Variants in CBFA2T2 observed in about 807,000 individuals in gnomAD.
The protein encoded by CBFA2T2 is CBFA2/RUNX1 partner transcriptional co-repressor 2, also known as protein CBFA2T2.
Under a neutral mutation model 62.2 loss-of-function variants are expected in CBFA2T2, and 11 were observed. The observed-to-expected ratio is 0.18, with a 90% CI of 0.11 to 0.29. The LOEUF (loss-of-function observed/expected upper bound fraction) is 0.29, where lower values mean the gene tolerates loss of function less well. Among genes scored for constraint, CBFA2T2 ranks in the 10% least tolerant of loss-of-function variants. The pLI is 1.00. For synonymous variants in CBFA2T2, 295 were observed against 287.5 expected, an observed-to-expected ratio of 1.03 and a Z score of -0.27; for missense variants, 592 against 774.1, an observed-to-expected ratio of 0.76 and a Z score of 2.79.
chr20:33,603,772 T>A (rs991638897), intron 1 of CBFA2T2, among the ~76,000 whole-genome samples: 3 of 152,240 alleles, frequency 2.0e-5, no homozygotes, highest in African/African-American at 7.2e-5. Flanking sequence ...ATATGGTTGA[T>A]TCTTTAATGG....
chr20:33,614,978 C>A (rs980753861), intron 3 of CBFA2T2, among the ~76,000 whole-genome samples: 9 of 152,158 alleles, frequency 5.9e-5, no homozygotes, highest in African/African-American at 1.7e-4. Context: ...TTGTACAGAA[C>A]CATTACAAAT....
At chr20:33,631,182 C>T (rs187166743) in intron 8 of CBFA2T2, among the ~76,000 whole-genome samples, 3 of 152,122 alleles carry the variant, frequency 2.0e-5, no homozygotes, top group Non-Finnish European at 1.5e-5. Flanking sequence ...GGCGTGGTGG[C>T]GGACGCCTGT....
chr20:33,527,530 G>A (rs569000572), intron 1 of CBFA2T2, among the ~76,000 whole-genome samples: 3 of 151,948 alleles, frequency 2.0e-5, no homozygotes, highest in East Asian at 1.9e-4. Context: ...GTGCCACTAC[G>A]TCCAACTGAT....
At chr20:33,504,403 CTTTTTT>C (rs533648842) in intron 1 of CBFA2T2, among the ~76,000 whole-genome samples, 2 of 117,552 alleles carry the variant, frequency 1.7e-5, no homozygotes, top group Non-Finnish European at 3.5e-5. Flanking sequence ...TCATATTTAA[CTTTTTT>C]TTTTTTTTTT....
chr20:33,515,696 G>T (rs2146857696), intron 1 of CBFA2T2, among the ~76,000 whole-genome samples: 1 of 150,836 alleles, frequency 6.6e-6, no homozygotes, highest in Admixed American at 6.7e-5. Flanking sequence ...AGCTAATTGG[G>T]AGGCTGAGAC....
chr20:33,637,401 G>A (rs888689131), intron 9 of CBFA2T2, among the ~76,000 whole-genome samples: 19 of 152,096 alleles, frequency 1.2e-4, no homozygotes, highest in African/African-American at 1.7e-4. Flanking sequence ...TCTTTTAAGA[G>A]CATCTAGACA....
chr20:33,498,849 C>G (rs1038100594), intron 1 of CBFA2T2, among the ~76,000 whole-genome samples: 2 of 151,956 alleles, frequency 1.3e-5, no homozygotes, highest in Non-Finnish European at 2.9e-5. Flanking sequence ...TCGAGACCAG[C>G]CTGGCCAACA....
At chr20:33,601,004 A>G (rs2015109593) in intron 1 of CBFA2T2, among the ~76,000 whole-genome samples, 2 of 152,202 alleles carry the variant, frequency 1.3e-5, no homozygotes, top group South Asian at 4.2e-4. Flanking sequence ...ATATTGTGAT[A>G]TTATAAAACA....
chr20:33,542,004 A>G (rs1395053350), intron 1 of CBFA2T2, among the ~76,000 whole-genome samples: 1 of 152,084 alleles, frequency 6.6e-6, no homozygotes, highest in Non-Finnish European at 1.5e-5. Context: ...TCAGCCTCCC[A>G]AAGTGCTGGG....
chr20:33,510,395 G>A (rs2011488289), intron 1 of CBFA2T2, among the ~76,000 whole-genome samples: 1 of 151,154 alleles, frequency 6.6e-6, no homozygotes, highest in African/African-American at 2.4e-5. Flanking sequence ...TGTATTTTTA[G>A]TAGAGACGGG....
Position 33,578,650 on chromosome 20 carries a change from T to G in CBFA2T2, c.35-28306T>G, listed in dbSNP as rs74807635. Among the ~76,000 whole-genome samples, 10 of 152,288 alleles carry G rather than the reference T, an allele frequency of 6.6e-5. No homozygotes were observed. The East Asian group carries it at 9.6e-4, about 15-fold the overall frequency. ...ATTTCCAGATGTCATTCTCTCTGTT[T>G]GGATGACTTGGGAGCTTAAGAAGGG... On this transcript the variant is annotated intron_variant, in intron 1 of 10. Transcript: ENST00000342704.
At chr20:33,597,700 A>G (rs2014950425) in intron 1 of CBFA2T2, among the ~76,000 whole-genome samples, 1 of 152,102 alleles carries the variant, frequency 6.6e-6, no homozygotes, top group Admixed American at 6.5e-5. Context: ...GTGGAGTGCA[A>G]TGGCACGATC....
At chr20:33,535,026 C>T (rs1171121987) in intron 1 of CBFA2T2, among the ~76,000 whole-genome samples, 1 of 152,162 alleles carries the variant, frequency 6.6e-6, no homozygotes, top group Non-Finnish European at 1.5e-5. Context: ...TGCCAGAAAC[C>T]TTCCATTTGT....
At chr20:33,642,115 TTTGTG>T (rs1258151887) in intron 10 of CBFA2T2, among the ~76,000 whole-genome samples, 5 of 36,586 alleles carry the variant, frequency 1.4e-4, no homozygotes, top group African/African-American at 7.2e-4. Context: ...CTTTTTTTTT[TTTGTG>T]TGTGTGTGTG....
chr20:33,527,018 A>G (rs2011907179), intron 1 of CBFA2T2, among the ~76,000 whole-genome samples: 1 of 152,190 alleles, frequency 6.6e-6, no homozygotes, highest in Non-Finnish European at 1.5e-5. Context: ...TATAGGATGA[A>G]TTGGCAGTAA....
At chr20:33,583,102 C>A (rs1438343045) in intron 1 of CBFA2T2, among the ~76,000 whole-genome samples, 3 of 152,030 alleles carry the variant, frequency 2.0e-5, no homozygotes, top group East Asian at 3.8e-4. Context: ...ATATCAAGAC[C>A]TTTTCTGTGT....
chr20:33,515,350 C>A (rs1258135953), intron 1 of CBFA2T2, among the ~76,000 whole-genome samples: 288 of 81,974 alleles, frequency 3.5e-3, no homozygotes, highest in South Asian at 5.2e-3. Flanking sequence ...GACTCCATCT[C>A]AAAAAAAAAA....
chr20:33,540,203 T>C (rs530802514), intron 1 of CBFA2T2, among the ~76,000 whole-genome samples: 1 of 152,364 alleles, frequency 6.6e-6, no homozygotes, highest in South Asian at 2.1e-4. Flanking sequence ...TGTTTCAACA[T>C]TGAATGTGGT....
At chr20:33,616,076 T>C (rs1370520815) in intron 3 of CBFA2T2, among the ~76,000 whole-genome samples, 1 of 128,158 alleles carries the variant, frequency 7.8e-6, no homozygotes, top group Non-Finnish European at 1.7e-5. Flanking sequence ...ACTCTGTAGA[T>C]AGAGATAGAT....
Sources: allele counts gnomAD v4.1 joint callset (sites outside exome capture counted in the v4.1 genomes callset), GRCh38; gene constraint gnomAD v4.1.1; transcripts MANE v1.5; gene names NCBI Gene and HGNC (gene_info 2026-07-23, HGNC 2026-07-21).